Variants in NGLY1 observed in about 807,000 individuals in gnomAD.
NGLY1 encodes peptide-N(4)-(N-acetyl-beta-glucosaminyl)asparagine amidase.
A neutral mutation model predicts 84.6 loss-of-function variants in NGLY1; 68 were observed. The ratio of observed to expected loss-of-function variants is 0.80; its 90% CI spans 0.66 to 0.98. NGLY1 has a LOEUF of 0.98. Among genes scored for constraint, NGLY1 ranks in the 50% least tolerant of loss-of-function variants. The pLI is 0.00. For missense variants in NGLY1, 779 were observed against 770.2 expected, an observed-to-expected ratio of 1.01 and a Z score of -0.14; for synonymous variants, 280 against 275.2, an observed-to-expected ratio of 1.02 and a Z score of -0.17.
chr3:25,729,361 T>C (rs771898957), intron 9 of NGLY1, 43 bp from the exon 10 acceptor site: 47 of 1,227,898 alleles, frequency 3.8e-5, no homozygotes, highest in South Asian at 2.6e-4. Flanking sequence ...TTATGAAAGA[T>C]GTAAAAAAGA....
intron 10 of NGLY1, among the ~76,000 whole-genome samples, chr3:25,724,160 C>A (rs1705142052): frequency 6.6e-6 from 1 of 152,180 alleles, no homozygotes; most frequent in African/African-American, 2.4e-5. Context: ...TTGATTACTA[C>A]ATGTCAGGCT....
At chr3:25,772,207 T>C (rs1393987021) in intron 2 of NGLY1, among the ~76,000 whole-genome samples, 1 of 152,230 alleles carries the variant, frequency 6.6e-6, no homozygotes, top group Non-Finnish European at 1.5e-5. Context: ...GTCCCTTCTA[T>C]GCCAATTCTG....
rs1184576779 is a variant in NGLY1 at position 25,783,412 on chromosome 3, G to T, written c.-22C>A. Reference sequence around the variant, plus strand: ...CCATGCTTGAGCGCCAGCGGGCGCCGCCGCCGCCCCTCGCTCTCCGCGTCC... The same window carrying T: ...CCATGCTTGAGCGCCAGCGGGCGCCTCCGCCGCCCCTCGCTCTCCGCGTCC... On this transcript the variant is annotated 5_prime_UTR_variant, in exon 1 of 12. Transcript: ENST00000280700. The surrounding 1 kb of genome is among the most constrained non-coding windows in gnomAD (Gnocchi z 4.5). 6.6e-7 allele frequency: 1 copy of T among 1,520,972 alleles called. No homozygotes were observed. The highest frequency in any genetic ancestry group is 8.8e-7 in the Non-Finnish European group (1 of 1,135,654). 94.2% of individuals were successfully genotyped at this position (1,520,972 alleles called of 1,614,324 possible). A position where few individuals can be genotyped will look rare whatever the true frequency, so the allele number is the denominator to read the frequency against.
At chr3:25,729,097 G>T in intron 10 of NGLY1, 36 bp downstream of exon 10, 2 of 1,310,876 alleles carry the variant, frequency 1.5e-6, no homozygotes, top group South Asian at 2.3e-5. Flanking sequence ...TTTAAACAAT[G>T]ACAAAAGTTT....
intron 6 of NGLY1, chr3:25,736,959 T>C (rs918468440): frequency 5.9e-6 from 1 of 170,024 alleles, no homozygotes; most frequent in African/African-American, 2.4e-5. Context: ...GTAATTCAAA[T>C]GTTTCCAGCA....
chr3:25,729,114 G>GC lies in NGLY1; in HGVS notation c.1611+18_1611+19insG. On this transcript the variant is annotated intron_variant, in intron 10 of 11. Transcript: ENST00000280700. ...TAAACAATGACAAAAGTTTTAAATG[G>GC]TTTTATGCATTAAGTTACCATGTGC... The GC allele has an allele frequency of 7.2e-7, 1 of 1,398,598 alleles. No homozygotes were observed. Among genetic ancestry groups the GC allele is most frequent in the Non-Finnish European group, 9.4e-7 (1 of 1,059,668 alleles). 86.6% of individuals were successfully genotyped at this position (1,398,598 alleles called of 1,614,324 possible).
chr3:25,727,180 A>G (rs567354338), intron 10 of NGLY1, among the ~76,000 whole-genome samples: 56 of 152,314 alleles, frequency 3.7e-4, no homozygotes, highest in Non-Finnish European at 7.5e-4. Flanking sequence ...ATCACTCTCT[A>G]CAAGTAAAGA....
In NGLY1 at chr3:25,751,122, A is replaced by G. The variant is rs879052893; in HGVS notation, c.634T>C (p.Ser212Pro). 6.8e-6 allele frequency: 11 copies of G among 1,612,958 alleles called. No homozygotes were observed. The highest frequency in any genetic ancestry group is 4.5e-5 in the East Asian group (2 of 44,818). The change falls in exon 4 of 12, where the codon TCG becomes CCG. Residue 212 changes from serine (S) to proline (P), a missense_variant. Physicochemically the swap from Ser to Pro is moderately conservative, Grantham distance 74 (BLOSUM62 -1). Transcript: ENST00000280700. ...ELKRKSQEKL[S>P]RARKLDKGIN... ...CCTTTATCCAATTTTCTAGCTCTCG[A>G]TAACTTTTCTTGTGATTTCCTTTTT...
chr3:25,751,759 A>G (rs1307240289), intron 3 of NGLY1, among the ~76,000 whole-genome samples: 2 of 152,248 alleles, frequency 1.3e-5, no homozygotes. Flanking sequence ...AGGGCAGAGA[A>G]GCCATAGGAT....
chr3:25,785,135 C>CAAAA (rs1159268520), upstream of NGLY1, among the ~76,000 whole-genome samples: 3 of 76,948 alleles, frequency 3.9e-5, no homozygotes, highest in Non-Finnish European at 7.9e-5. Flanking sequence ...CCTGCTTGGA[C>CAAAA]AAAAAAAAAA....
At chr3:25,731,250 A>C (rs893844025) in intron 9 of NGLY1, among the ~76,000 whole-genome samples, 1 of 152,130 alleles carries the variant, frequency 6.6e-6, no homozygotes, top group African/African-American at 2.4e-5. Flanking sequence ...TCTGGAGAGG[A>C]AAAACGTAAA....
chr3:25,773,178 T>C (rs1299936670), intron 2 of NGLY1, among the ~76,000 whole-genome samples: 6 of 151,752 alleles, frequency 4.0e-5, no homozygotes, highest in Non-Finnish European at 1.5e-5. Flanking sequence ...TGTAGATCTC[T>C]AGGAAGGCCA....
chr3:25,722,052 T>C (rs2932017), intron 10 of NGLY1, among the ~76,000 whole-genome samples: 102,267 of 151,246 alleles, frequency 0.68, 38,911 homozygotes, highest in East Asian at 0.88. Flanking sequence ...ACCCCATCTC[T>C]ACTAAAAATA....
exon 1 of NGLY1, chr3:25,789,982 C>G: frequency 7.6e-7 from 1 of 1,319,022 alleles, no homozygotes; most frequent in Non-Finnish European, 1.1e-6. Flanking sequence ...GCCAAGGTGA[C>G]GCGGCTTAAA....
At chr3:25,725,668 TG>T (rs1247435019) in intron 10 of NGLY1, among the ~76,000 whole-genome samples, 1 of 152,176 alleles carries the variant, frequency 6.6e-6, no homozygotes, top group African/African-American at 2.4e-5. Flanking sequence ...GCTGCAGAAT[TG>T]CTTGCTTGCT....
upstream of NGLY1, among the ~76,000 whole-genome samples, chr3:25,786,435 TAAAAG>T (rs1416334470): frequency 1.3e-5 from 2 of 151,800 alleles, no homozygotes; most frequent in African/African-American, 4.8e-5. Context: ...AATAAATAAA[TAAAAG>T]AACAAGAATT....
intron 2 of NGLY1, among the ~76,000 whole-genome samples, chr3:25,764,860 G>C (rs984408980): frequency 6.6e-6 from 1 of 152,096 alleles, no homozygotes; most frequent in Admixed American, 6.6e-5. Context: ...ATTTTTCCAC[G>C]ATAACGAAAA....
chr3:25,751,191 C>A lies in NGLY1; in HGVS notation c.565G>T (p.Ala189Ser). 1.9e-6 allele frequency: 3 copies of A among 1,613,350 alleles called. No individual in the cohort carries two copies. Among genetic ancestry groups the A allele is most frequent in the Non-Finnish European group, 1.7e-6 (2 of 1,179,750 alleles). ...IQHVLVYENP[A>S]LQEKALACIP... ...CAAGCCAACGCTTTCTCCTGAAGAG[C>A]AGGATTTTCATAGACCAGCACATGC... The change falls in exon 4 of 12, where the codon GCT (alanine) becomes TCT (serine). Residue 189 changes from alanine (A) to serine (S), a missense_variant. Ala to Ser is a moderately conservative substitution (Grantham distance 99). Transcript: ENST00000280700.
chr3:25,742,079 C>T (rs1706175322), intron 4 of NGLY1, among the ~76,000 whole-genome samples: 1 of 152,226 alleles, frequency 6.6e-6, no homozygotes, highest in Non-Finnish European at 1.5e-5. Flanking sequence ...GAAAAATTCA[C>T]AAAGTCCATA....
Sources: gnomAD v4.1 joint callset for allele counts (sites outside exome capture counted in the v4.1 genomes callset) on GRCh38, gnomAD v4.1.1 for gene constraint, Gnocchi (gnomAD v3.1) non-coding constraint, MANE v1.5 for transcripts, NCBI Gene and HGNC (gene_info 2026-07-23, HGNC 2026-07-21) for gene names.